The following ZNF765 variants were observed in gnomAD, a reference collection of about 807,000 sequenced individuals.
ZNF765 encodes zinc finger protein 765.
Under a neutral mutation model 44.7 loss-of-function variants are expected in ZNF765, and 37 were observed. That is an observed-to-expected ratio of 0.83 (90% confidence interval 0.64 to 1.09). ZNF765 has a LOEUF of 1.09. Among genes scored for constraint, ZNF765 ranks in the 50% least tolerant of loss-of-function variants. The pLI is 0.00. For synonymous variants in ZNF765, 201 were observed against 213.7 expected (o/e 0.94, Z 0.52); for missense variants, 594 against 626.1 (o/e 0.95, Z 0.55).
At chr19:53,403,394 C>T (rs1258054936) in intron 3 of ZNF765, among the ~76,000 whole-genome samples, 1 of 150,948 alleles carries the variant, frequency 6.6e-6, no homozygotes, top group Non-Finnish European at 1.5e-5. Context: ...TCATTTACTA[C>T]TTTTGTGTTT....
At position 53,411,032 on chromosome 19, in the gene ZNF765, A is replaced by G. The variant is rs1234659917; in HGVS notation, c.*1905A>G. The G allele has an allele frequency of 4.1e-5, 13 of 314,450 alleles. No individual in the cohort carries two copies. Among genetic ancestry groups the G allele is most frequent in the South Asian group, 4.0e-4 (13 of 32,680 alleles). The allele number at this position is 314,450 out of a possible 1,614,324, so 19.5% of individuals were successfully genotyped here. On this transcript the variant is annotated 3_prime_UTR_variant, in exon 4 of 4. Coordinates refer to ENST00000396408, the MANE Select transcript of ZNF765 (RefSeq NM_001040185.3). ...CCAAATACAATGTGTATAGCAAACC[A>G]TCAAGCATTAATTGACACTAGAGTC...
intron 1 of ZNF765, among the ~76,000 whole-genome samples, chr19:53,395,940 T>C (rs1245227560): frequency 6.7e-6 from 1 of 148,152 alleles, no homozygotes; most frequent in East Asian, 2.0e-4. Context: ...AAAAGACTCA[T>C]AACAGATGGC....
rs775592689 is a variant in ZNF765 at position 53,407,844 on chromosome 19, A to G, written c.289A>G (p.Ile97Val). Residue 97 changes from isoleucine (I) to valine (V), a missense_variant, in exon 4 of 4, where the codon ATT becomes GTT. Physicochemically the swap from Ile to Val is conservative, Grantham distance 29. This residue lies in a region of ZNF765 where 567 missense variants were observed against 572.6 expected (regional missense o/e 0.99). Transcript: ENST00000396408. ...GGATATTGATAAAGATATTCATGAC[A>G]TTGAGTTTCAGTGGCAAGAAGATGA... is the stretch of plus-strand genomic sequence containing the variant. ...FQDIDKDIHD[I>V]EFQWQEDERN... 1.9e-6 allele frequency: 3 copies of G among 1,613,470 alleles called. No individual in the cohort carries two copies. Among genetic ancestry groups the G allele is most frequent in the South Asian group, 1.1e-5 (1 of 90,794 alleles).
chr19:53,413,948 A>AAAAAG (rs59564265), downstream of ZNF765, among the ~76,000 whole-genome samples: 7 of 149,016 alleles, frequency 4.7e-5, no homozygotes, highest in South Asian at 4.3e-4. Context: ...AAAAAAAAAA[A>AAAAAG]GCTACATAGA....
downstream of ZNF765, among the ~76,000 whole-genome samples, chr19:53,414,531 A>T (rs1224827078): frequency 8.5e-6 from 1 of 117,608 alleles, no homozygotes; most frequent in African/African-American, 3.1e-5. Context: ...CATATAAAGC[A>T]GTTCCCATTT....
chr19:53,422,347 C>G (rs1315708490), intron 3 of ZNF765, among the ~76,000 whole-genome samples: 1 of 152,150 alleles, frequency 6.6e-6, no homozygotes, highest in Non-Finnish European at 1.5e-5. Flanking sequence ...ATCATGTCAC[C>G]TCTCTGTGCT....
At position 53,408,835 on chromosome 19, in the gene ZNF765, A is replaced by G. The variant is rs776449286; in HGVS notation, c.1280A>G (p.Asn427Ser). ...GKTFNQQLTL[N>S]ICRLHSGEKP... is the part of the protein sequence containing the mutation. ...ACCTTCAATCAGCAGTTAACCCTTA[A>G]CATTTGTAGACTTCATAGTGGAGAG... The change falls in exon 4 of 4, where the codon AAC (asparagine) becomes AGC (serine). Residue 427 changes from asparagine (N) to serine (S), a missense_variant. Physicochemically the swap from Asn to Ser is conservative, Grantham distance 46. Coordinates refer to ENST00000396408, the MANE Select transcript of ZNF765 (RefSeq NM_001040185.3). 1.2e-6 allele frequency: 2 copies of G among 1,613,358 alleles called. No individual in the cohort carries two copies. The highest frequency in any genetic ancestry group is 1.1e-5 in the South Asian group (1 of 91,018).
exon 4 of ZNF765, chr19:53,426,898 C>T (rs2147112087): frequency 6.6e-6 from 1 of 151,304 alleles, no homozygotes. Context: ...AGAATCGTTC[C>T]CACGGACCAT....
At chr19:53,418,217 T>G (rs1206360796) in intron 3 of ZNF765, among the ~76,000 whole-genome samples, 1 of 152,046 alleles carries the variant, frequency 6.6e-6, no homozygotes, top group Non-Finnish European at 1.5e-5. Flanking sequence ...CTGGCTAACA[T>G]GGTGAAACCC....
intron 3 of ZNF765, among the ~76,000 whole-genome samples, chr19:53,420,712 T>A (rs2085901880): frequency 2.0e-5 from 3 of 152,214 alleles, no homozygotes; most frequent in Admixed American, 2.0e-4. Flanking sequence ...CAAGGTTTAA[T>A]GGATTTAGGG....
intron 2 of ZNF765, among the ~76,000 whole-genome samples, chr19:53,399,586 C>T (rs1177191693): frequency 1.3e-5 from 2 of 151,812 alleles, no homozygotes; most frequent in South Asian, 2.1e-4. Flanking sequence ...GAAGCTGAGG[C>T]AGGAGAATCA....
chr19:53,403,027 T>G lies in ZNF765; in HGVS notation c.142+836T>G, dbSNP rs559763637. Among the ~76,000 whole-genome samples the G allele has an allele frequency of 2.0e-5, 3 of 151,942 alleles. No homozygotes were observed. In the South Asian group the frequency reaches 6.3e-4, roughly 32 times the overall value. On this transcript the variant is annotated intron_variant, in intron 3 of 3. Coordinates refer to ENST00000396408, the MANE Select transcript of ZNF765 (RefSeq NM_001040185.3). Reference sequence around the variant, plus strand: ...CCCTCTCTACTAAAAATACAAAAATTAGCCAGGTGTGGTGGCACGTGCCTG... The same window carrying G: ...CCCTCTCTACTAAAAATACAAAAATGAGCCAGGTGTGGTGGCACGTGCCTG...
At chr19:53,417,313 G>T (rs927823685) in intron 3 of ZNF765, among the ~76,000 whole-genome samples, 4 of 152,064 alleles carry the variant, frequency 2.6e-5, no homozygotes, top group African/African-American at 9.7e-5. Flanking sequence ...CCCAGTGTGT[G>T]TTGTTCCCCT....
intron 3 of ZNF765, among the ~76,000 whole-genome samples, chr19:53,404,038 C>G (rs1432140951): frequency 6.6e-6 from 1 of 152,124 alleles, no homozygotes; most frequent in Non-Finnish European, 1.5e-5. Context: ...TATACTTACA[C>G]CAGTTTCTGT....
chr19:53,402,588 GTCTC>G (rs1230874976), intron 3 of ZNF765, among the ~76,000 whole-genome samples: 1 of 151,996 alleles, frequency 6.6e-6, no homozygotes, highest in African/African-American at 2.4e-5. Flanking sequence ...TAGATAAAGT[GTCTC>G]TCTCTGTCAG....
At chr19:53,424,624 C>T (rs544985619) in exon 4 of ZNF765, 1 of 151,552 alleles carries the variant, frequency 6.6e-6, no homozygotes, top group Admixed American at 6.6e-5. Flanking sequence ...CGAATTCTCA[C>T]CCAAACTGAG....
chr19:53,401,345 C>T (rs1050813118), intron 2 of ZNF765, among the ~76,000 whole-genome samples: 6 of 149,694 alleles, frequency 4.0e-5, no homozygotes, highest in African/African-American at 1.5e-4. Context: ...GGGCGGATCA[C>T]GAGATCAGGA....
chr19:53,400,382 G>A (rs371246579), intron 2 of ZNF765, among the ~76,000 whole-genome samples: 22 of 152,094 alleles, frequency 1.4e-4, no homozygotes, highest in South Asian at 1.2e-3. Context: ...GCACACCCGC[G>A]TTACTACAGA....
downstream of ZNF765, among the ~76,000 whole-genome samples, chr19:53,416,079 C>T (rs149630244): frequency 2.4e-4 from 36 of 152,188 alleles, no homozygotes; most frequent in Non-Finnish European, 4.9e-4. Flanking sequence ...CTCAGCCCCC[C>T]GAGTAGCTGG....
Sources: allele counts gnomAD v4.1 joint callset (sites outside exome capture counted in the v4.1 genomes callset), GRCh38; gene constraint gnomAD v4.1.1; regional missense constraint gnomAD v4.1.1; transcripts MANE v1.5; gene names NCBI Gene and HGNC (gene_info 2026-07-23, HGNC 2026-07-21).